Variants in ASTN2 observed in about 807,000 individuals in gnomAD.
ASTN2 encodes astrotactin-2.
ASTN2 carries 54 observed loss-of-function variants against 139.8 expected under a neutral mutation model. The ratio of observed to expected loss-of-function variants is 0.39; its 90% CI spans 0.31 to 0.48. The LOEUF (loss-of-function observed/expected upper bound fraction) is 0.48, where lower values mean the gene tolerates loss of function less well. ASTN2 is among the 20% of genes least tolerant of loss of function. The pLI, the probability that ASTN2 is intolerant of heterozygous loss-of-function variation, is 0.95. For missense variants in ASTN2, 1,565 were observed against 1,725.1 expected, an observed-to-expected ratio of 0.91 and a Z score of 1.64; for synonymous variants, 756 against 719.5, an observed-to-expected ratio of 1.05 and a Z score of -0.81.
At chr9:116,587,066 C>T (rs538455207) in intron 19 of ASTN2, among the ~76,000 whole-genome samples, 10 of 152,162 alleles carry the variant, frequency 6.6e-5, no homozygotes, top group South Asian at 4.2e-4. Flanking sequence ...CTGGGCCAAG[C>T]GTGGTGGCTC....
chr9:117,032,531 G>C (rs149294513), intron 6 of ASTN2, among the ~76,000 whole-genome samples: 1 of 152,090 alleles, frequency 6.6e-6, no homozygotes. Flanking sequence ...GGCAGTTTGT[G>C]GCTAAGGATC....
At chr9:117,356,919 C>A (rs947703791) in intron 1 of ASTN2, among the ~76,000 whole-genome samples, 2 of 151,620 alleles carry the variant, frequency 1.3e-5, no homozygotes, top group African/African-American at 4.8e-5. Context: ...AAAAATTAGC[C>A]GGGTCTGGTG....
At chr9:117,380,110 T>A (rs1418828130) in intron 1 of ASTN2, among the ~76,000 whole-genome samples, 3 of 151,940 alleles carry the variant, frequency 2.0e-5, no homozygotes, top group African/African-American at 7.3e-5. Context: ...GATGAAGGGA[T>A]CCATTTATGT....
intron 1 of ASTN2, among the ~76,000 whole-genome samples, chr9:117,311,606 G>C (rs1486722753): frequency 1.3e-5 from 2 of 152,148 alleles, no homozygotes; most frequent in African/African-American, 4.8e-5. Flanking sequence ...CAGTATGTAA[G>C]ATCAAGCTCA....
intron 3 of ASTN2, among the ~76,000 whole-genome samples, chr9:117,164,558 C>T (rs1168114161): frequency 6.6e-6 from 1 of 152,192 alleles, no homozygotes; most frequent in East Asian, 1.9e-4. Context: ...CCCCTGCCCC[C>T]CAATCCCCTC....
In ASTN2 at chr9:117,160,076, C is replaced by T. The variant is rs117314267; in HGVS notation, c.1016-18598G>A. Among the ~76,000 whole-genome samples, 13 of 152,158 alleles carry T rather than the reference C, an allele frequency of 8.5e-5. No homozygotes were observed. The East Asian group carries it at 1.6e-3, about 18-fold the overall frequency. ...ATTTAAGGCCTTCGTTTGTGTCCTA[C>T]CTACTTACATCTTAATGGTCAAAGT... is the stretch of plus-strand genomic sequence containing the variant. On this transcript the variant is annotated intron_variant, in intron 3 of 22. Transcript: ENST00000313400.
Position 116,728,861 on chromosome 9 carries a change from A to G in ASTN2, c.2626+131T>C, listed in dbSNP as rs535925714. 2.9e-5 allele frequency: 21 copies of G among 723,382 alleles called. No individual in the cohort carries two copies. The East Asian group carries it at 4.1e-4, about 14-fold the overall frequency. The allele number at this position is 723,382 out of a possible 1,614,324, so 44.8% of individuals were successfully genotyped here. A position where few individuals can be genotyped will look rare whatever the true frequency, so the allele number is the denominator to read the frequency against. ...CACCCACCCTCCCTAGGACTCCTTG[A>G]TGGCAGAGAGGATGCATCCTCATTT... On this transcript the variant is annotated intron_variant, in intron 15 of 22. Coordinates refer to ENST00000313400, the MANE Select transcript of ASTN2 (RefSeq NM_001365068.1).
At chr9:116,521,494 C>A (rs995870987) in intron 19 of ASTN2, among the ~76,000 whole-genome samples, 1 of 152,186 alleles carries the variant, frequency 6.6e-6, no homozygotes. Flanking sequence ...CAAAAATCAA[C>A]TCAAGATGGA....
chr9:117,106,628 AAAT>A (rs1252412762), intron 4 of ASTN2, among the ~76,000 whole-genome samples: 1 of 152,182 alleles, frequency 6.6e-6, no homozygotes, highest in Admixed American at 6.5e-5. Context: ...ACAAAGAAGA[AAAT>A]AATAATCAAG....
intron 20 of ASTN2, among the ~76,000 whole-genome samples, chr9:116,442,770 A>G (rs983340785): frequency 2.0e-5 from 3 of 152,196 alleles, no homozygotes; most frequent in African/African-American, 7.2e-5. Context: ...CATCTTGTCA[A>G]TGAGGACACT....
chr9:116,721,636 G>C (rs547936682), intron 16 of ASTN2, among the ~76,000 whole-genome samples: 2 of 152,282 alleles, frequency 1.3e-5, no homozygotes, highest in South Asian at 4.1e-4. Context: ...CTGGAACCTA[G>C]AGCTTCCAGG....
At chr9:116,884,806 C>CTCCA (rs201031478) in intron 10 of ASTN2, among the ~76,000 whole-genome samples, 1 of 115,646 alleles carries the variant, frequency 8.6e-6, no homozygotes, top group Non-Finnish European at 1.7e-5. Flanking sequence ...AATATCCGCC[C>CTCCA]CCCCCCCACC....
chr9:117,107,135 T>C (rs577174818), intron 4 of ASTN2, among the ~76,000 whole-genome samples: 3 of 152,190 alleles, frequency 2.0e-5, no homozygotes, highest in African/African-American at 4.8e-5. Flanking sequence ...TCATCTTCAA[T>C]ATCACCTAAT....
intron 1 of ASTN2, among the ~76,000 whole-genome samples, chr9:117,357,709 A>G (rs771679110): frequency 1.3e-5 from 2 of 152,164 alleles, no homozygotes; most frequent in Non-Finnish European, 2.9e-5. Flanking sequence ...TAAGAATGTT[A>G]TATCATGCCT....
At chr9:116,460,876 C>T (rs1848466364) in intron 20 of ASTN2, among the ~76,000 whole-genome samples, 1 of 152,070 alleles carries the variant, frequency 6.6e-6, no homozygotes, top group Admixed American at 6.6e-5. Context: ...GATAAGATGC[C>T]CTTAGCCCAT....
intron 10 of ASTN2, among the ~76,000 whole-genome samples, chr9:116,882,155 T>C (rs2132371830): frequency 6.6e-6 from 1 of 152,316 alleles, no homozygotes; most frequent in South Asian, 2.1e-4. Context: ...GGCCCTGCAC[T>C]CTTAGCTGTC....
intron 14 of ASTN2, among the ~76,000 whole-genome samples, chr9:116,729,886 T>G (rs1290615820): frequency 6.6e-6 from 1 of 152,170 alleles, no homozygotes; most frequent in African/African-American, 2.4e-5. Flanking sequence ...ATAAAACCCC[T>G]TTTGTATGAA....
intron 19 of ASTN2, among the ~76,000 whole-genome samples, chr9:116,500,445 C>A (rs1410551103): frequency 6.6e-6 from 1 of 152,222 alleles, no homozygotes; most frequent in Non-Finnish European, 1.5e-5. Flanking sequence ...GTGCTCTTGT[C>A]TTCTCATCCA....
Position 117,227,596 on chromosome 9 carries a change from T to C in ASTN2, c.631-12854A>G, listed in dbSNP as rs187497194. Among the ~76,000 whole-genome samples, 20 of 152,316 alleles carry C rather than the reference T, an allele frequency of 1.3e-4. No individual in the cohort carries two copies. In the East Asian group the frequency reaches 3.9e-3, roughly 29 times the overall value. On this transcript the variant is annotated intron_variant, in intron 2 of 22. Coordinates refer to ENST00000313400, the MANE Select transcript of ASTN2 (RefSeq NM_001365068.1). ...CAATAACTAGATATGAATTATTTAT[T>C]AGCCTATACCCGAGGACCGAAAAGG...
Sources: allele counts gnomAD v4.1 joint callset (sites outside exome capture counted in the v4.1 genomes callset), GRCh38; gene constraint gnomAD v4.1.1; transcripts MANE v1.5; gene names NCBI Gene and HGNC (gene_info 2026-07-23, HGNC 2026-07-21).